REPIN1: variants seen among roughly 807,000 people sequenced by gnomAD.
REPIN1 encodes the protein replication initiator 1, also known as DNA-binding protein REPIN1.
In REPIN1, 4 loss-of-function variants were observed where a neutral mutation model predicts 5.7. The observed-to-expected ratio is 0.71, with a 90% CI of 0.35 to 1.62. The LOEUF (loss-of-function observed/expected upper bound fraction) is 1.62, where lower values mean the gene tolerates loss of function less well. Ranked by LOEUF, REPIN1 falls within the 40% of genes most tolerant of loss-of-function variation. REPIN1 has a pLI of 0.05. For missense variants in REPIN1, 854 were observed against 901.0 expected (o/e 0.95, Z 0.67); for synonymous variants, 410 against 386.2 (o/e 1.06, Z -0.72).
chr7:150,373,134 C>T lies in REPIN1; in HGVS notation c.*189C>T. On this transcript the variant is annotated 3_prime_UTR_variant, in exon 3 of 3. Transcript: ENST00000489432. ...GAGGTCAACCCCGGTGGCCAGGGAA[C>T]CCACTTCCAAGCGCAGGGACGCCGG... 3 of 823,608 alleles carry T rather than the reference C, an allele frequency of 3.6e-6. No individual in the cohort carries two copies. Among genetic ancestry groups the T allele is most frequent in the South Asian group, 1.8e-5 (1 of 54,410 alleles). The allele number at this position is 823,608 out of a possible 1,614,324, so 51.0% of individuals were successfully genotyped here. A position where few individuals can be genotyped will look rare whatever the true frequency, so the allele number is the denominator to read the frequency against.
Position 150,372,829 on chromosome 7 carries a change from C to G in REPIN1, c.1759C>G (p.Leu587Val), listed in dbSNP as rs781300604. Reference sequence around the variant, plus strand: ...CCGCAGCTTCAGCCAGAAGTCCAACCTCATCACCCACCGCAAGAGCCACAT... The same window carrying G: ...CCGCAGCTTCAGCCAGAAGTCCAACGTCATCACCCACCGCAAGAGCCACAT... ...CDRSFSQKSN[L>V]ITHRKSHIRD... The change falls in exon 3 of 3, where the codon CTC becomes GTC. Residue 587 changes from leucine to valine, a missense_variant. Leu to Val is a conservative substitution (Grantham distance 32). Around this residue, in one of 5 missense-constraint regions of REPIN1, gnomAD observed 101 missense variants for 124.7 expected, o/e 0.81. Coordinates refer to ENST00000489432, the MANE Select transcript of REPIN1 (RefSeq NM_001099695.2). 3 of 1,612,700 alleles carry G rather than the reference C, an allele frequency of 1.9e-6. No individual in the cohort carries two copies. The highest frequency in any genetic ancestry group is 2.5e-6 in the Non-Finnish European group (3 of 1,180,016).
rs779398718 is a variant in REPIN1, at chr7:150,369,706, T to C, written c.-6T>C. On this transcript the variant is annotated 5_prime_UTR_variant, in exon 2 of 3. Coordinates refer to ENST00000489432, the MANE Select transcript of REPIN1 (RefSeq NM_001099695.2). The stretch of plus-strand genomic sequence containing the variant: ...CCTCTCTGCAGTCAGAGGTCTGAGC[T>C]CTGCCATGGGGATAGGGGTGTCTTT... 3.7e-6 allele frequency: 6 copies of C among 1,613,868 alleles called. No individual in the cohort carries two copies. The South Asian group carries it at 6.6e-5, about 18-fold the overall frequency.
Position 150,372,049 on chromosome 7 carries a change from G to A in REPIN1, c.979G>A (p.Gly327Arg). 2 of 1,612,372 alleles carry A rather than the reference G, an allele frequency of 1.2e-6. No individual in the cohort carries two copies. Among genetic ancestry groups the A allele is most frequent in the Non-Finnish European group, 1.7e-6 (2 of 1,179,740 alleles). ...GERPHQCPEC[G>R]KRFTNKPYLT... ...GCGGCCCCACCAGTGCCCCGAGTGC[G>A]GGAAGCGCTTTACCAATAAGCCCTA... The change falls in exon 3 of 3, where the codon GGG (glycine) becomes AGG (arginine). Residue 327 changes from glycine to arginine, a missense_variant. Transcript: ENST00000489432.
chr7:150,368,725 A>C (rs2129619481), upstream of REPIN1: 57 of 231,500 alleles, frequency 2.5e-4, no homozygotes, highest in Non-Finnish European at 3.0e-4. Flanking sequence ...CCCCGCCCCC[A>C]GGCCGCGGCC....
rs1211078840 is a variant in REPIN1, at chr7:150,373,294, T to G, written c.*349T>G. The G allele has an allele frequency of 8.9e-6, 3 of 337,566 alleles. No homozygotes were observed. The highest frequency in any genetic ancestry group is 9.2e-5 in the Admixed American group (2 of 21,828). The allele number at this position is 337,566 out of a possible 1,614,324, so 20.9% of individuals were successfully genotyped here. On this transcript the variant is annotated 3_prime_UTR_variant, in exon 3 of 3. Transcript: ENST00000489432. ...AGGAAGACCCTCCATCCTCTGGTAT[T>G]AACGCCTTAATGCCCCTGTCTTTTA...
chr7:150,373,074 G>A lies in REPIN1; in HGVS notation c.*129G>A. 7.5e-7 allele frequency: 1 copy of A among 1,333,942 alleles called. No individual in the cohort carries two copies. Among genetic ancestry groups the A allele is most frequent in the Non-Finnish European group, 1.0e-6 (1 of 985,552 alleles). 82.6% of individuals were successfully genotyped at this position (1,333,942 alleles called of 1,614,324 possible). A position where few individuals can be genotyped will look rare whatever the true frequency, so the allele number is the denominator to read the frequency against. On this transcript the variant is annotated 3_prime_UTR_variant, in exon 3 of 3. Transcript: ENST00000489432. ...GGGAATCCTAGAGGGGATGGAAGAC[G>A]CGGGGAGTGAGCTGGGTGGGCCCTG...
chr7:150,372,823 T>C lies in REPIN1; in HGVS notation c.1753T>C (p.Ser585Pro). ...PDCDRSFSQK[S>P]NLITHRKSHI... is the part of the protein sequence containing the mutation. ...CTGCGACCGCAGCTTCAGCCAGAAGTCCAACCTCATCACCCACCGCAAGAG... is the reference window on the plus strand; with the variant it reads ...CTGCGACCGCAGCTTCAGCCAGAAGCCCAACCTCATCACCCACCGCAAGAG... Residue 585 changes from serine (S) to proline (P), a missense_variant, in exon 3 of 3, where the codon TCC (serine) becomes CCC (proline). Transcript: ENST00000489432. The C allele has an allele frequency of 6.2e-7, 1 of 1,612,498 alleles. No individual in the cohort carries two copies. The highest frequency in any genetic ancestry group is 8.5e-7 in the Non-Finnish European group (1 of 1,179,984).
chr7:150,369,582 G>C, intron 1 of REPIN1, 89 bp from the exon 2 acceptor site: 1 of 1,153,754 alleles, frequency 8.7e-7, no homozygotes. Context: ...GGCTTTGTGG[G>C]GGGAGGGGTT....
chr7:150,369,065 T>C, intron 1 of REPIN1, 124 bp downstream of exon 1: 2 of 126,772 alleles, frequency 1.6e-5, no homozygotes, highest in Non-Finnish European at 3.0e-5. Flanking sequence ...CTGCTGGATC[T>C]GCGGGGGTGG....
intron 1 of REPIN1, 117 bp from the exon 2 acceptor site, chr7:150,369,554 C>T (rs1799298654): frequency 1.2e-6 from 1 of 841,382 alleles, no homozygotes; most frequent in Admixed American, 2.0e-5. Flanking sequence ...GGATGTGGGG[C>T]TTATGGCTGG....
At position 150,372,451 on chromosome 7, in the gene REPIN1, A is replaced by G. The variant is rs867056538; in HGVS notation, c.1381A>G (p.Thr461Ala). 1.3e-6 allele frequency: 2 copies of G among 1,520,592 alleles called. No homozygotes were observed. The highest frequency in any genetic ancestry group is 1.2e-5 in the South Asian group (1 of 80,444). The allele number at this position is 1,520,592 out of a possible 1,614,324, so 94.2% of individuals were successfully genotyped here. A position where few individuals can be genotyped will look rare whatever the true frequency, so the allele number is the denominator to read the frequency against. Reference protein sequence around the residue: ...QRQHTGERPFTCAECGKNFGK... With the variant: ...QRQHTGERPFACAECGKNFGK... The stretch of plus-strand genomic sequence containing the variant: ...GCAGCACACCGGGGAGCGGCCCTTC[A>G]CCTGCGCCGAGTGCGGGAAGAACTT... Residue 461 changes from threonine to alanine, a missense_variant, in exon 3 of 3, where the codon ACC becomes GCC. Physicochemically the swap from Thr to Ala is moderately conservative, Grantham distance 58. Around this residue, in one of 5 missense-constraint regions of REPIN1, gnomAD observed 327 missense variants for 307.8 expected, o/e 1.06. Transcript: ENST00000489432.
Position 150,371,259 on chromosome 7 carries a change from C to T in REPIN1, c.189C>T (p.Cys63=), listed in dbSNP as rs1391444255. The change falls in exon 3 of 3, where the codon TGC becomes TGT. Residue 63 remains cysteine, a synonymous_variant. Transcript: ENST00000489432. The stretch of plus-strand genomic sequence containing the variant: ...AAGAACCGATGCTGGAACGTCGTTG[C>T]AGGGGCCCCCTGGCCATGGGCCTGG... ...AEEEPMLERR[C]RGPLAMGLAQ... 4.4e-6 allele frequency: 7 copies of T among 1,600,126 alleles called. No individual in the cohort carries two copies. The highest frequency in any genetic ancestry group is 2.7e-5 in the African/African-American group (2 of 74,556).
rs1386576584 is a variant in REPIN1 at position 150,369,847 on chromosome 7, C to T, written c.136C>T (p.Pro46Ser). 6.2e-7 allele frequency: 1 copy of T among 1,610,018 alleles called. No individual in the cohort carries two copies. Among genetic ancestry groups the T allele is most frequent in the East Asian group, 2.2e-5 (1 of 44,792 alleles). Residue 46 changes from proline (P) to serine (S), a missense_variant, in exon 2 of 3, where the codon CCC becomes TCC. Physicochemically the swap from Pro to Ser is moderately conservative, Grantham distance 74. Around this residue, in one of 5 missense-constraint regions of REPIN1, gnomAD observed 409 missense variants for 418.6 expected, o/e 0.98. Transcript: ENST00000489432. Reference sequence around the variant, plus strand: ...CAAGAGGAGCTGGAAAAAGCCTCATCCCCAGCTCTGCAGTCTCCAGGGTAG... The same window carrying T: ...CAAGAGGAGCTGGAAAAAGCCTCATTCCCAGCTCTGCAGTCTCCAGGGTAG... ...IPKRSWKKPH[P>S]QLCSLQAEEE... is the part of the protein sequence containing the mutation.
In REPIN1 at chr7:150,372,610, C is replaced by A; in HGVS notation, c.1540C>A (p.Arg514=). 5.0e-6 allele frequency: 8 copies of A among 1,608,550 alleles called. No homozygotes were observed. The highest frequency in any genetic ancestry group is 6.8e-6 in the Non-Finnish European group (8 of 1,179,114). The change falls in exon 3 of 3, where the codon CGG becomes AGG. Residue 514 remains arginine, a synonymous_variant. Coordinates refer to ENST00000489432, the MANE Select transcript of REPIN1 (RefSeq NM_001099695.2). ...GCATCGGCGCGACCACGCCCCCGAT[C>A]GGCCCTTCGTGTGTCCCGACTGCGG... ...AAHRRDHAPD[R]PFVCPDCGKA...
chr7:150,369,947 A>C, intron 2 of REPIN1, 79 bp downstream of exon 2: 2 of 1,498,540 alleles, frequency 1.3e-6, no homozygotes, highest in Non-Finnish European at 1.8e-6. Context: ...GCGGAAGGAA[A>C]TGGCCCTTTC....
chr7:150,372,869 TCTG>T lies in REPIN1; in HGVS notation c.1803_1805del (p.Cys602del). ...AAGAGCCACATCCGGGACGGCGCCT[TCTG>T]CTGTGCCATCTGTGGCCAGACCTTC... On this transcript the variant is annotated inframe_deletion, in exon 3 of 3. Transcript: ENST00000489432. The T allele has an allele frequency of 6.2e-7, 1 of 1,613,298 alleles. No individual in the cohort carries two copies. The highest frequency in any genetic ancestry group is 8.5e-7 in the Non-Finnish European group (1 of 1,180,018).
chr7:150,372,433 A>T lies in REPIN1; in HGVS notation c.1363A>T (p.Thr455Ser). Residue 455 changes from threonine (T) to serine (S), a missense_variant, in exon 3 of 3, where the codon ACC becomes TCC. This residue lies in a region of REPIN1 where 327 missense variants were observed against 307.8 expected (regional missense o/e 1.06). Coordinates refer to ENST00000489432, the MANE Select transcript of REPIN1 (RefSeq NM_001099695.2). ...RFLRAHQRQH[T>S]GERPFTCAEC... ...CCTGCGGGCCCACCAGCGGCAGCAC[A>T]CCGGGGAGCGGCCCTTCACCTGCGC... 6.6e-7 allele frequency: 1 copy of T among 1,509,640 alleles called. No homozygotes were observed. The highest frequency in any genetic ancestry group is 8.8e-7 in the Non-Finnish European group (1 of 1,136,974). 93.5% of individuals were successfully genotyped at this position (1,509,640 alleles called of 1,614,324 possible).
Position 150,371,374 on chromosome 7 carries a change from G to A in REPIN1, c.304G>A (p.Val102Met). 6.3e-7 allele frequency: 1 copy of A among 1,593,888 alleles called. No individual in the cohort carries two copies. Among genetic ancestry groups the A allele is most frequent in the Non-Finnish European group, 8.5e-7 (1 of 1,171,392 alleles). Residue 102 changes from valine to methionine, a missense_variant, in exon 3 of 3, where the codon GTG becomes ATG. Physicochemically the swap from Val to Met is conservative, Grantham distance 21. Transcript: ENST00000489432. ...SRGLRQQGTS[V>M]AQSGAQAPGR... ...CGGGCTGAGGCAACAAGGCACGTCA[G>A]TGGCCCAGTCTGGTGCCCAAGCCCC...
chr7:150,369,586 A>C, intron 1 of REPIN1, 85 bp from the exon 2 acceptor site: 1 of 1,166,512 alleles, frequency 8.6e-7, no homozygotes, highest in Non-Finnish European at 1.2e-6. Context: ...TTGTGGGGGG[A>C]GGGGTTGTGG....
Sources: allele counts gnomAD v4.1 joint callset, GRCh38; gene constraint gnomAD v4.1.1; regional missense constraint gnomAD v4.1.1; transcripts MANE v1.5; gene names NCBI Gene and HGNC (gene_info 2026-07-23, HGNC 2026-07-21).